Variants in MACROD2 observed in about 807,000 individuals in gnomAD.
The protein encoded by MACROD2 is mono-ADP ribosylhydrolase 2, also known as ADP-ribose glycohydrolase MACROD2.
MACROD2 carries 36 observed loss-of-function variants against 70.4 expected under a neutral mutation model. The ratio of observed to expected loss-of-function variants is 0.51; its 90% CI spans 0.39 to 0.68. MACROD2 has a LOEUF of 0.68. MACROD2 is among the 30% of genes least tolerant of loss of function. The probability of loss-of-function intolerance (pLI) is 0.00; values close to 1 mark genes in which losing one functional copy is unlikely to be tolerated. For synonymous variants in MACROD2, 172 were observed against 178.8 expected (o/e 0.96, Z 0.30); for missense variants, 496 against 538.4 (o/e 0.92, Z 0.78).
Position 14,924,910 on chromosome 20 carries a change from A to C in MACROD2, c.418+239951A>C, listed in dbSNP as rs888340152. Among the ~76,000 whole-genome samples, 14 of 152,268 alleles carry C rather than the reference A, an allele frequency of 9.2e-5. 1 individual carries two copies. Among genetic ancestry groups the C allele is most frequent in the Admixed American group, 1.3e-4 (2 of 15,296 alleles). ...CAAATCTAATAAGATTTGTAATATA[A>C]ATAACCCTCAGTATGTTTTTATTCC... On this transcript the variant is annotated intron_variant, in intron 5 of 17. Transcript: ENST00000684519.
At chr20:15,201,795 T>TAG (rs2076658590) in intron 5 of MACROD2, among the ~76,000 whole-genome samples, 1 of 152,210 alleles carries the variant, frequency 6.6e-6, no homozygotes, top group Non-Finnish European at 1.5e-5. Context: ...TTTGTGACAT[T>TAG]CAAATGCAGT....
At chr20:14,329,336 G>A (rs942633876) in intron 3 of MACROD2, 4 of 152,178 alleles carry the variant, frequency 2.6e-5, no homozygotes, top group South Asian at 2.1e-4. Flanking sequence ...TCCTGTGAAA[G>A]TAAAAGGTTT....
chr20:14,171,981 G>GACTATTTCTCAAT (rs1180840923), intron 3 of MACROD2, among the ~76,000 whole-genome samples: 5 of 152,028 alleles, frequency 3.3e-5, no homozygotes, highest in Admixed American at 3.3e-4. Flanking sequence ...TCATTTCTTA[G>GACTATTTCTCAAT]GTCTAATAGT....
At chr20:14,848,685 A>G (rs2073168085) in intron 5 of MACROD2, among the ~76,000 whole-genome samples, 1 of 152,178 alleles carries the variant, frequency 6.6e-6, no homozygotes, top group Non-Finnish European at 1.5e-5. Context: ...TAATTTCGAT[A>G]TATTCATGCA....
At chr20:14,995,336 A>G (rs921245820) in intron 5 of MACROD2, among the ~76,000 whole-genome samples, 3 of 152,080 alleles carry the variant, frequency 2.0e-5, no homozygotes, top group Non-Finnish European at 4.4e-5. Flanking sequence ...ACATATGAAA[A>G]ATTAGACGTA....
intron 5 of MACROD2, among the ~76,000 whole-genome samples, chr20:15,039,243 A>G (rs2075336753): frequency 6.6e-6 from 1 of 152,138 alleles, no homozygotes; most frequent in East Asian, 1.9e-4. Context: ...TATAGGAGAG[A>G]ACCTAGCAAA....
intron 8 of MACROD2, among the ~76,000 whole-genome samples, chr20:15,757,703 C>T (rs1408393978): frequency 6.6e-6 from 1 of 151,930 alleles, no homozygotes; most frequent in Non-Finnish European, 1.5e-5. Context: ...TGGTGAGGAC[C>T]CTCTTTCTCA....
intron 3 of MACROD2, among the ~76,000 whole-genome samples, chr20:14,251,483 T>C (rs2082011757): frequency 6.6e-6 from 1 of 152,114 alleles, no homozygotes; most frequent in Non-Finnish European, 1.5e-5. Flanking sequence ...TTGGATATTT[T>C]ACTCAAATAA....
chr20:15,523,718 G>GT (rs2047682411), intron 8 of MACROD2, among the ~76,000 whole-genome samples: 3 of 152,180 alleles, frequency 2.0e-5, no homozygotes, highest in African/African-American at 7.2e-5. Flanking sequence ...AGACTGGGGG[G>GT]TGAAAACCTG....
intron 8 of MACROD2, among the ~76,000 whole-genome samples, chr20:15,820,869 C>A (rs959868521): frequency 1.3e-5 from 2 of 152,140 alleles, no homozygotes; most frequent in Non-Finnish European, 2.9e-5. Flanking sequence ...AAGAGTCTCT[C>A]AGTTTTAGAC....
At chr20:14,736,460 A>G (rs757964005) in intron 5 of MACROD2, among the ~76,000 whole-genome samples, 2 of 152,178 alleles carry the variant, frequency 1.3e-5, no homozygotes, top group Non-Finnish European at 2.9e-5. Flanking sequence ...TATACTTCAA[A>G]ATGGCAAAGT....
chr20:14,497,212 TC>T (rs2084863519), intron 4 of MACROD2, among the ~76,000 whole-genome samples: 1 of 151,772 alleles, frequency 6.6e-6, no homozygotes, highest in Admixed American at 6.6e-5. Flanking sequence ...AGCTTGAAAG[TC>T]GATACAATGG....
chr20:14,816,058 C>G (rs906856435), intron 5 of MACROD2, among the ~76,000 whole-genome samples: 3 of 152,028 alleles, frequency 2.0e-5, no homozygotes, highest in East Asian at 3.8e-4. Context: ...TTTTCTGCTT[C>G]CAGTTGAAGA....
intron 3 of MACROD2, among the ~76,000 whole-genome samples, chr20:14,454,581 G>A (rs972805317): frequency 2.6e-5 from 4 of 151,654 alleles, no homozygotes; most frequent in Middle Eastern, 3.2e-3. Flanking sequence ...CAGTAAAACC[G>A]TTTTAGAACC....
chr20:15,901,177 G>A (rs577308804), intron 10 of MACROD2, among the ~76,000 whole-genome samples: 13 of 152,206 alleles, frequency 8.5e-5, no homozygotes, highest in Admixed American at 1.3e-4. Flanking sequence ...CACTCTGCAT[G>A]CCTCCCCACC....
chr20:15,881,639 T>C (rs1215886743), intron 9 of MACROD2, among the ~76,000 whole-genome samples: 1 of 152,136 alleles, frequency 6.6e-6, no homozygotes, highest in Admixed American at 6.5e-5. Flanking sequence ...ATTGTTTAAA[T>C]GTGCCTACGT....
At chr20:15,833,723 C>A (rs562842681) in intron 8 of MACROD2, among the ~76,000 whole-genome samples, 1 of 152,304 alleles carries the variant, frequency 6.6e-6, no homozygotes, top group East Asian at 1.9e-4. Flanking sequence ...CCAAGCAGGA[C>A]TGACTCATCT....
Position 15,478,596 on chromosome 20 carries a change from GT to G in MACROD2, c.572-21171del, listed in dbSNP as rs576460869. ...GTGTTTCTTCCTCCCCCTTTATTAA[GT>G]TTTTTTGAGCCTAGACGTTCTCTCC... On this transcript the variant is annotated intron_variant, in intron 7 of 17. Coordinates refer to ENST00000684519, the MANE Select transcript of MACROD2 (RefSeq NM_001351661.2). Among the ~76,000 whole-genome samples, 860 of 151,690 alleles carry G rather than the reference GT, an allele frequency of 5.7e-3. 7 individuals are homozygous for G. The highest frequency in any genetic ancestry group is 0.02 in the African/African-American group (822 of 41,358).
intron 5 of MACROD2, among the ~76,000 whole-genome samples, chr20:15,168,664 C>G (rs181712750): frequency 1.4e-4 from 21 of 152,046 alleles, no homozygotes; most frequent in Middle Eastern, 3.4e-3. Flanking sequence ...GTGGTAGATA[C>G]ATTCAATGAA....
Sources: allele counts gnomAD v4.1 joint callset (sites outside exome capture counted in the v4.1 genomes callset), GRCh38; gene constraint gnomAD v4.1.1; transcripts MANE v1.5; gene names NCBI Gene and HGNC (gene_info 2026-07-23, HGNC 2026-07-21).